SLIT3: variants seen among roughly 807,000 people sequenced by gnomAD.
SLIT3 encodes slit homolog 3 protein.
Under a neutral mutation model 184.0 loss-of-function variants are expected in SLIT3, and 68 were observed. The observed-to-expected ratio is 0.37, with a 90% CI of 0.30 to 0.45. The LOEUF (loss-of-function observed/expected upper bound fraction) is 0.45, where lower values mean the gene tolerates loss of function less well. Among genes scored for constraint, SLIT3 ranks in the 20% least tolerant of loss-of-function variants. SLIT3 has a pLI of 1.00. For missense variants in SLIT3, 1,707 were observed against 2,026.0 expected (o/e 0.84, Z 3.02); for synonymous variants, 831 against 828.6 (o/e 1.00, Z -0.05).
intron 4 of SLIT3, among the ~76,000 whole-genome samples, chr5:168,996,430 G>A (rs1561596520): frequency 1.3e-5 from 2 of 152,162 alleles, no homozygotes; most frequent in Non-Finnish European, 2.9e-5. Context: ...CATTTTTAAT[G>A]AACATCAATA....
At chr5:169,187,531 TTTTTC>T (rs1289443485) in intron 4 of SLIT3, among the ~76,000 whole-genome samples, 2 of 150,834 alleles carry the variant, frequency 1.3e-5, no homozygotes, top group African/African-American at 2.4e-5. Flanking sequence ...GGATAAACTT[TTTTTC>T]TTTTCTTTTT....
intron 6 of SLIT3, among the ~76,000 whole-genome samples, chr5:168,828,664 A>AAAAAAAAAAAAAAAAAAG (rs1757780042): frequency 6.6e-6 from 1 of 150,594 alleles, no homozygotes; most frequent in Non-Finnish European, 1.5e-5. Context: ...GACTCAAAAA[A>AAAAAAAAAAAAAAAAAAG]AAAAAAGAAA....
At chr5:168,855,352 G>C (rs946793235) in intron 5 of SLIT3, among the ~76,000 whole-genome samples, 4 of 152,136 alleles carry the variant, frequency 2.6e-5, no homozygotes, top group Admixed American at 6.5e-5. Context: ...ATATGACCCA[G>C]CAATTCCATC....
At position 168,669,881 on chromosome 5, in the gene SLIT3, G is replaced by A. The variant is rs201807232; in HGVS notation, c.4238C>T (p.Ser1413Leu). 2 of 1,614,178 alleles carry A rather than the reference G, an allele frequency of 1.2e-6. No homozygotes were observed. The highest frequency in any genetic ancestry group is 2.7e-5 in the African/African-American group (2 of 75,056). Residue 1413 changes from serine (S) to leucine (L), a missense_variant, in exon 35 of 36, where the codon TCA becomes TTA. Transcript: ENST00000519560. ...DNKNDSANACSAFKCHHGQCH... is the reference protein window; with the variant it reads ...DNKNDSANACLAFKCHHGQCH... ...CTGCCCATGGTGACACTTGAAGGCT[G>A]AGCAGGCATTGGCAGAGTCATTCTT... is the stretch of plus-strand genomic sequence containing the variant.
intron 3 of SLIT3, among the ~76,000 whole-genome samples, chr5:169,217,017 C>T (rs370917855): frequency 2.0e-5 from 3 of 151,914 alleles, no homozygotes; most frequent in African/African-American, 4.8e-5. Context: ...GGAAACCATC[C>T]GGGGAGACCT....
chr5:168,853,558 A>G (rs951173662), intron 5 of SLIT3, among the ~76,000 whole-genome samples: 1 of 152,226 alleles, frequency 6.6e-6, no homozygotes, highest in African/African-American at 2.4e-5. Context: ...TGCACACAAC[A>G]TTTATTTAAC....
intron 6 of SLIT3, among the ~76,000 whole-genome samples, chr5:168,831,015 G>A (rs1024503249): frequency 1.3e-5 from 2 of 148,474 alleles, no homozygotes; most frequent in Non-Finnish European, 3.0e-5. Flanking sequence ...TGTCCAAGGA[G>A]CAGGGACAGC....
In SLIT3 at chr5:169,193,467, A is replaced by G. The variant is rs1386247675; in HGVS notation, c.413+12T>C. On this transcript the variant is annotated intron_variant, in intron 4 of 35. Coordinates refer to ENST00000519560, the MANE Select transcript of SLIT3 (RefSeq NM_003062.4). ...AGGCACAAGGTAGAGAACACAAGGC[A>G]ACTCTACTCACAGTCTGGTGAGCTT... The G allele has an allele frequency of 4.3e-6, 7 of 1,610,678 alleles. No homozygotes were observed. Among genetic ancestry groups the G allele is most frequent in the Non-Finnish European group, 5.9e-6 (7 of 1,176,876 alleles).
chr5:168,840,259 G>A (rs1165204432), intron 6 of SLIT3, among the ~76,000 whole-genome samples: 2 of 152,108 alleles, frequency 1.3e-5, no homozygotes, highest in African/African-American at 4.8e-5. Context: ...TCTGTGGTCC[G>A]GCATTTTTGA....
intron 16 of SLIT3, among the ~76,000 whole-genome samples, chr5:168,759,504 T>G (rs564153151): frequency 6.6e-5 from 10 of 152,304 alleles, no homozygotes; most frequent in Admixed American, 2.6e-4. Context: ...CGGCAGTATG[T>G]CTGGGGGGCC....
intron 4 of SLIT3, among the ~76,000 whole-genome samples, chr5:168,957,098 G>A (rs62377219): frequency 0.038 from 5,825 of 151,804 alleles, 156 homozygotes; most frequent in Middle Eastern, 0.062. Flanking sequence ...GCGTGGTGGC[G>A]GGTGCCTATA....
intron 4 of SLIT3, among the ~76,000 whole-genome samples, chr5:169,084,532 T>C (rs899223028): frequency 6.7e-6 from 1 of 149,124 alleles, no homozygotes. Context: ...GGTTGGAAAC[T>C]CCTGACCTCA....
At chr5:168,960,158 G>C (rs905816487) in intron 4 of SLIT3, among the ~76,000 whole-genome samples, 1 of 152,164 alleles carries the variant, frequency 6.6e-6, no homozygotes, top group African/African-American at 2.4e-5. Flanking sequence ...ACTGTAGGAG[G>C]GCAGGGGCCA....
chr5:169,294,685 T>C (rs187003830), intron 1 of SLIT3, among the ~76,000 whole-genome samples: 1 of 152,308 alleles, frequency 6.6e-6, no homozygotes, highest in East Asian at 1.9e-4. Context: ...CACTTAATGA[T>C]GGGGATACGT....
intron 1 of SLIT3, among the ~76,000 whole-genome samples, chr5:169,291,538 A>G (rs1767362280): frequency 6.6e-6 from 1 of 152,136 alleles, no homozygotes; most frequent in African/African-American, 2.4e-5. Context: ...ATTTCTACGC[A>G]CAGGGATCCC....
intron 4 of SLIT3, among the ~76,000 whole-genome samples, chr5:169,038,549 G>C (rs1196931683): frequency 2.0e-5 from 3 of 152,176 alleles, no homozygotes; most frequent in Admixed American, 1.3e-4. Flanking sequence ...CTATGGAAAG[G>C]TATAGGTGGA....
At chr5:168,907,944 G>A (rs60710357) in intron 4 of SLIT3, among the ~76,000 whole-genome samples, 2 of 53,112 alleles carry the variant, frequency 3.8e-5, no homozygotes, top group Non-Finnish European at 7.0e-5. Context: ...TATTATACGT[G>A]TATATATATA....
intron 14 of SLIT3, among the ~76,000 whole-genome samples, chr5:168,763,611 C>T (rs1046957588): frequency 1.4e-4 from 22 of 152,138 alleles, no homozygotes; most frequent in South Asian, 4.1e-4. Flanking sequence ...GGACCAACAA[C>T]GTGGTGTCTC....
At chr5:168,710,246 AG>A (rs1318225998) in intron 25 of SLIT3, 1 of 152,226 alleles carries the variant, frequency 6.6e-6, no homozygotes, top group African/African-American at 2.4e-5. Context: ...TAATATTAAA[AG>A]TTGATCACAT....
Sources: allele counts gnomAD v4.1 joint callset (sites outside exome capture counted in the v4.1 genomes callset), GRCh38; gene constraint gnomAD v4.1.1; transcripts MANE v1.5; gene names NCBI Gene and HGNC (gene_info 2026-07-23, HGNC 2026-07-21).